NKAIN2: variants seen among roughly 807,000 people sequenced by gnomAD.
NKAIN2 encodes sodium/potassium transporting ATPase interacting 2.
A neutral mutation model predicts 32.6 loss-of-function variants in NKAIN2; 14 were observed. The observed-to-expected ratio is 0.43, with a 90% CI of 0.28 to 0.67. NKAIN2 has a LOEUF of 0.67. Ranked by LOEUF, NKAIN2 falls within the 30% of genes least tolerant of loss-of-function variation. NKAIN2 has a pLI of 0.17. For missense variants in NKAIN2, 198 were observed against 258.3 expected, an observed-to-expected ratio of 0.77 and a Z score of 1.60; for synonymous variants, 80 against 87.2, an observed-to-expected ratio of 0.92 and a Z score of 0.46.
At chr6:124,676,568 A>G (rs1359881240) in intron 4 of NKAIN2, among the ~76,000 whole-genome samples, 1 of 152,032 alleles carries the variant, frequency 6.6e-6, no homozygotes, top group African/African-American at 2.4e-5. Flanking sequence ...TATTATCCCT[A>G]TATAGTCCTT....
At chr6:124,054,773 G>A (rs1463572658) in intron 1 of NKAIN2, among the ~76,000 whole-genome samples, 1 of 151,950 alleles carries the variant, frequency 6.6e-6, no homozygotes, top group Non-Finnish European at 1.5e-5. Context: ...GCCGGAGACA[G>A]GATGGAAGAT....
chr6:123,938,464 ACACG>A (rs1776648949), intron 1 of NKAIN2, among the ~76,000 whole-genome samples: 1 of 128,624 alleles, frequency 7.8e-6, no homozygotes, highest in Non-Finnish European at 1.6e-5. Context: ...ACACACACAC[ACACG>A]CATATTATAC....
intron 1 of NKAIN2, among the ~76,000 whole-genome samples, chr6:123,921,379 T>C (rs1346819644): frequency 6.6e-6 from 1 of 152,236 alleles, no homozygotes; most frequent in Non-Finnish European, 1.5e-5. Flanking sequence ...ATTTTCTGGC[T>C]CTGGAAATAA....
At chr6:123,903,830 G>A (rs73773009) in intron 1 of NKAIN2, among the ~76,000 whole-genome samples, 8,812 of 151,996 alleles carry the variant, frequency 0.058, 817 homozygotes, top group African/African-American at 0.2. Flanking sequence ...CTATCGATAG[G>A]ATGAAAACCC....
intron 1 of NKAIN2, among the ~76,000 whole-genome samples, chr6:124,034,376 A>G (rs539554740): frequency 2.0e-5 from 3 of 151,808 alleles, no homozygotes; most frequent in East Asian, 3.9e-4. Context: ...GTGGTATTTG[A>G]TTTTCTGCTT....
intron 5 of NKAIN2, among the ~76,000 whole-genome samples, chr6:124,812,272 G>A (rs1244120197): frequency 6.6e-6 from 1 of 152,084 alleles, no homozygotes; most frequent in Non-Finnish European, 1.5e-5. Flanking sequence ...ATCATTCAAG[G>A]CCTTGGCAGT....
chr6:123,890,362 GA>G (rs1243330518), intron 1 of NKAIN2, among the ~76,000 whole-genome samples: 5 of 151,692 alleles, frequency 3.3e-5, no homozygotes, highest in Non-Finnish European at 5.9e-5. Flanking sequence ...GAGGTGGAAG[GA>G]AAAAAGGACA....
intron 4 of NKAIN2, among the ~76,000 whole-genome samples, chr6:124,687,293 A>G (rs1773962306): frequency 7.0e-6 from 1 of 142,806 alleles, no homozygotes. Flanking sequence ...GAATATATAT[A>G]TTCTATATAT....
At chr6:124,346,530 C>T (rs1718525316) in intron 2 of NKAIN2, among the ~76,000 whole-genome samples, 1 of 152,136 alleles carries the variant, frequency 6.6e-6, no homozygotes, top group Non-Finnish European at 1.5e-5. Context: ...GTATTGGGTG[C>T]ATATATATTT....
chr6:124,135,208 T>C (rs1260225374), intron 1 of NKAIN2, among the ~76,000 whole-genome samples: 3 of 105,392 alleles, frequency 2.8e-5, no homozygotes, highest in Non-Finnish European at 6.0e-5. Context: ...ATAAAACAAT[T>C]ACACAATGAA....
intron 3 of NKAIN2, among the ~76,000 whole-genome samples, chr6:124,403,284 T>C (rs1413740073): frequency 6.7e-6 from 1 of 149,534 alleles, no homozygotes; most frequent in African/African-American, 2.6e-5. Flanking sequence ...TATTTCTATA[T>C]AGAGATATCA....
intron 1 of NKAIN2, among the ~76,000 whole-genome samples, chr6:124,142,872 C>T (rs1181483289): frequency 1.3e-5 from 2 of 152,120 alleles, no homozygotes; most frequent in Non-Finnish European, 2.9e-5. Flanking sequence ...TTATCAATGA[C>T]AAATTTTGTA....
chr6:124,726,906 G>C, intron 4 of NKAIN2, among the ~76,000 whole-genome samples: 1 of 121,038 alleles, frequency 8.3e-6, no homozygotes, highest in African/African-American at 3.1e-5. Context: ...ACTACGTGAA[G>C]AATGCAGAAG....
intron 4 of NKAIN2, among the ~76,000 whole-genome samples, chr6:124,738,157 A>C (rs1450191514): frequency 6.6e-6 from 1 of 151,940 alleles, no homozygotes; most frequent in African/African-American, 2.4e-5. Context: ...TCAACTTAGA[A>C]TATTTAAAAA....
chr6:124,558,910 T>C (rs1312007672), intron 3 of NKAIN2, among the ~76,000 whole-genome samples: 1 of 152,008 alleles, frequency 6.6e-6, no homozygotes, highest in Non-Finnish European at 1.5e-5. Flanking sequence ...GATCATACCA[T>C]TGCGCTCCAG....
intron 3 of NKAIN2, among the ~76,000 whole-genome samples, chr6:124,439,370 T>A (rs577616874): frequency 0.047 from 6,977 of 149,788 alleles, 275 homozygotes; most frequent in Non-Finnish European, 0.067. Context: ...TTTTTTTTTT[T>A]ATCTCCATGA....
At chr6:124,780,928 GC>G (rs1779233745) in intron 4 of NKAIN2, among the ~76,000 whole-genome samples, 1 of 152,150 alleles carries the variant, frequency 6.6e-6, no homozygotes, top group Non-Finnish European at 1.5e-5. Flanking sequence ...TCTCCTACAT[GC>G]TCCAGGTTTC....
Position 123,899,666 on chromosome 6 carries a change from C to G in NKAIN2, c.54+95412C>G, listed in dbSNP as rs372486724. On this transcript the variant is annotated intron_variant, in intron 1 of 6. Transcript: ENST00000368417. ...AGTCTGTCTCATGATGTAAGCAGCC[C>G]CTTCTGAAATGACAGGCTCTCAGAT... Among the ~76,000 whole-genome samples, 12 of 152,130 alleles carry G rather than the reference C, an allele frequency of 7.9e-5. 1 individual carries two copies. Among genetic ancestry groups the G allele is most frequent in the African/African-American group, 2.9e-4 (12 of 41,444 alleles).
intron 4 of NKAIN2, among the ~76,000 whole-genome samples, chr6:124,686,612 CAA>C (rs1228023100): frequency 6.6e-6 from 1 of 152,160 alleles, no homozygotes; most frequent in Non-Finnish European, 1.5e-5. Flanking sequence ...TTGGGTATTA[CAA>C]TTTTACATGA....
Sources: gnomAD v4.1 joint callset for allele counts (sites outside exome capture counted in the v4.1 genomes callset) on GRCh38, gnomAD v4.1.1 for gene constraint, MANE v1.5 for transcripts, NCBI Gene and HGNC (gene_info 2026-07-23, HGNC 2026-07-21) for gene names.